Variants in PKP4 observed in about 807,000 individuals in gnomAD.
PKP4 encodes the protein plakophilin-4.
In PKP4, 90 loss-of-function variants were observed where a neutral mutation model predicts 145.1. The observed-to-expected ratio is 0.62, with a 90% CI of 0.52 to 0.74. The LOEUF (loss-of-function observed/expected upper bound fraction) is 0.74. Among genes scored for constraint, PKP4 ranks in the 30% least tolerant of loss-of-function variants. The pLI, the probability that PKP4 is intolerant of heterozygous loss-of-function variation, is 0.00. For missense variants in PKP4, 1,340 were observed against 1,482.7 expected (o/e 0.90, Z 1.58); for synonymous variants, 563 against 577.2 (o/e 0.98, Z 0.35).
intron 10 of PKP4, among the ~76,000 whole-genome samples, chr2:158,642,196 C>T (rs1574920289): frequency 6.6e-6 from 1 of 152,102 alleles, no homozygotes; most frequent in East Asian, 1.9e-4. Flanking sequence ...TAAGTTTTCT[C>T]TATTTTTAGT....
intron 1 of PKP4, among the ~76,000 whole-genome samples, chr2:158,515,868 A>G (rs2041896828): frequency 6.6e-6 from 1 of 152,060 alleles, no homozygotes; most frequent in African/African-American, 2.4e-5. Context: ...TAACATACTG[A>G]GACCCTGTCT....
At chr2:158,556,590 CAA>C (rs985025709) in intron 2 of PKP4, among the ~76,000 whole-genome samples, 6 of 150,502 alleles carry the variant, frequency 4.0e-5, no homozygotes, top group Admixed American at 4.0e-4. Flanking sequence ...TAAGATATGC[CAA>C]AGATACTACT....
At chr2:158,617,536 A>G (rs956006807) in intron 4 of PKP4, among the ~76,000 whole-genome samples, 4 of 152,200 alleles carry the variant, frequency 2.6e-5, no homozygotes, top group African/African-American at 9.7e-5. Flanking sequence ...AGTGAATTTG[A>G]CTAGTATCTT....
At chr2:158,631,094 C>A (rs1039036203) in intron 7 of PKP4, among the ~76,000 whole-genome samples, 1 of 152,002 alleles carries the variant, frequency 6.6e-6, no homozygotes. Context: ...CCCGCCACCA[C>A]GCCCGGCTAA....
intron 1 of PKP4, among the ~76,000 whole-genome samples, chr2:158,526,340 C>A (rs1220792492): frequency 7.9e-6 from 1 of 127,280 alleles, no homozygotes; most frequent in Non-Finnish European, 1.6e-5. Context: ...ATACGCAAAT[C>A]AATAAATGTA....
chr2:158,471,711 G>A (rs1691598248), intron 1 of PKP4, among the ~76,000 whole-genome samples: 1 of 152,096 alleles, frequency 6.6e-6, no homozygotes, highest in Non-Finnish European at 1.5e-5. Context: ...ACAAAATCAG[G>A]ACAATTTATT....
At chr2:158,474,635 A>G (rs1692160125) in intron 1 of PKP4, among the ~76,000 whole-genome samples, 1 of 152,212 alleles carries the variant, frequency 6.6e-6, no homozygotes, top group South Asian at 2.1e-4. Context: ...GTTTTTCACC[A>G]GTGCCCTAAG....
intron 17 of PKP4, among the ~76,000 whole-genome samples, chr2:158,673,373 G>A (rs1325300578): frequency 6.6e-6 from 1 of 152,214 alleles, no homozygotes; most frequent in Non-Finnish European, 1.5e-5. Flanking sequence ...CCTCAGTAAA[G>A]ATTCGGAGGG....
At chr2:158,529,032 C>T (rs1236900809) in intron 1 of PKP4, among the ~76,000 whole-genome samples, 2 of 152,188 alleles carry the variant, frequency 1.3e-5, no homozygotes, top group East Asian at 3.8e-4. Context: ...CACAGTGCAG[C>T]ATCTCTTCTA....
intron 8 of PKP4, among the ~76,000 whole-genome samples, chr2:158,632,849 G>T (rs1024220357): frequency 6.6e-6 from 1 of 152,070 alleles, no homozygotes; most frequent in African/African-American, 2.4e-5. Flanking sequence ...GAAATATTTC[G>T]CTTTTCCTTA....
intron 1 of PKP4, among the ~76,000 whole-genome samples, chr2:158,470,415 C>T (rs1461185834): frequency 6.6e-6 from 1 of 152,170 alleles, no homozygotes; most frequent in Non-Finnish European, 1.5e-5. Context: ...TCCCTCCACT[C>T]TAGGTTCACA....
chr2:158,474,130 C>CA (rs1692058643), intron 1 of PKP4, among the ~76,000 whole-genome samples: 3 of 152,164 alleles, frequency 2.0e-5, no homozygotes, highest in Non-Finnish European at 2.9e-5. Flanking sequence ...TAGTCATTAA[C>CA]AAGTTTTAAC....
intron 12 of PKP4, chr2:158,658,545 C>A: frequency 2.5e-6 from 1 of 396,804 alleles, no homozygotes; most frequent in Non-Finnish European, 4.4e-6. Flanking sequence ...CTCAGAAAGG[C>A]CCTTTCAGTC....
chr2:158,522,988 G>A (rs1054859620), intron 1 of PKP4, among the ~76,000 whole-genome samples: 74 of 152,110 alleles, frequency 4.9e-4, no homozygotes, highest in Non-Finnish European at 7.9e-4. Flanking sequence ...CTACGCCCAC[G>A]GAATCTCGCT....
intron 19 of PKP4, among the ~76,000 whole-genome samples, chr2:158,674,930 T>C (rs1165974804): frequency 1.3e-5 from 2 of 152,240 alleles, no homozygotes; most frequent in Non-Finnish European, 2.9e-5. Flanking sequence ...TGCCACATAA[T>C]TGGATGTCCC....
At chr2:158,557,869 A>G (rs1444286714) in intron 2 of PKP4, among the ~76,000 whole-genome samples, 2 of 152,198 alleles carry the variant, frequency 1.3e-5, no homozygotes, top group African/African-American at 4.8e-5. Flanking sequence ...AATTTGTGAG[A>G]GTAAACTGAT....
intron 3 of PKP4, among the ~76,000 whole-genome samples, chr2:158,581,449 A>G (rs2048324504): frequency 6.6e-6 from 1 of 152,186 alleles, no homozygotes. Flanking sequence ...TAATGACTCA[A>G]AGGAAAACGA....
At position 158,631,826 on chromosome 2, in the gene PKP4, G is replaced by A. The variant is rs1208073592; in HGVS notation, c.1227G>A (p.Leu409=). The change falls in exon 8 of 22, where the codon TTG becomes TTA. Residue 409 remains leucine, a synonymous_variant. Coordinates refer to ENST00000389759, the MANE Select transcript of PKP4 (RefSeq NM_003628.6). ...TTCGTTCTGCCGTGTCTCCCGACTT[G>A]CACATTACTCCTATATATGAGGGGA... ...QDLRSAVSPD[L]HITPIYEGRT... 6.2e-7 allele frequency: 1 copy of A among 1,614,040 alleles called. No individual in the cohort carries two copies. The highest frequency in any genetic ancestry group is 1.1e-5 in the South Asian group (1 of 91,078).
At chr2:158,543,474 A>G (rs1019155586) in intron 2 of PKP4, among the ~76,000 whole-genome samples, 1 of 152,210 alleles carries the variant, frequency 6.6e-6, no homozygotes, top group Non-Finnish European at 1.5e-5. Flanking sequence ...AACAACTGCA[A>G]GATAGGTCCA....
Sources: gnomAD v4.1 joint callset for allele counts (sites outside exome capture counted in the v4.1 genomes callset) on GRCh38, gnomAD v4.1.1 for gene constraint, MANE v1.5 for transcripts, NCBI Gene and HGNC (gene_info 2026-07-23, HGNC 2026-07-21) for gene names.